Variants in SGCZ observed in about 807,000 individuals in gnomAD.
SGCZ encodes the protein sarcoglycan zeta.
A neutral mutation model predicts 41.3 loss-of-function variants in SGCZ; 40 were observed. The observed-to-expected ratio is 0.97, with a 90% confidence interval of 0.75 to 1.26. The LOEUF is 1.26. Among genes scored for constraint, SGCZ ranks in the 50% most tolerant of loss-of-function variants. The pLI, the probability that SGCZ is intolerant of heterozygous loss-of-function variation, is 0.00. For missense variants in SGCZ, 552 were observed against 369.8 expected, an observed-to-expected ratio of 1.49 and a Z score of -4.04; for synonymous variants, 206 against 137.5, an observed-to-expected ratio of 1.50 and a Z score of -3.49.
intron 1 of SGCZ, among the ~76,000 whole-genome samples, chr8:15,216,691 T>G (rs983198768): frequency 5.9e-5 from 9 of 152,144 alleles, no homozygotes; most frequent in African/African-American, 2.2e-4. Flanking sequence ...ATTCCTGGAA[T>G]GGAATCTTCT....
intron 1 of SGCZ, among the ~76,000 whole-genome samples, chr8:14,723,173 C>G (rs1303419114): frequency 1.3e-5 from 2 of 152,160 alleles, no homozygotes; most frequent in East Asian, 1.9e-4. Context: ...TGGAAAGAAA[C>G]AGGGATTTTG....
intron 1 of SGCZ, among the ~76,000 whole-genome samples, chr8:15,136,757 C>T (rs908173731): frequency 6.6e-6 from 1 of 152,174 alleles, no homozygotes; most frequent in Non-Finnish European, 1.5e-5. Context: ...CCAGGCAGAA[C>T]TGTGAGTCAA....
At chr8:14,296,787 A>G (rs1460534560) in intron 3 of SGCZ, among the ~76,000 whole-genome samples, 1 of 152,190 alleles carries the variant, frequency 6.6e-6, no homozygotes, top group Non-Finnish European at 1.5e-5. Flanking sequence ...GGGGTCAAAT[A>G]AATAAAAAAA....
chr8:14,627,010 T>C lies in SGCZ; in HGVS notation c.40-72084A>G, dbSNP rs116539006. Among the ~76,000 whole-genome samples the C allele has an allele frequency of 4.4e-3, 675 of 152,304 alleles. 5 individuals are homozygous for C. Among genetic ancestry groups the C allele is most frequent in the African/African-American group, 0.014 (564 of 41,566 alleles). Reference sequence around the variant, plus strand: ...TAAAAAAAGCACATGATAGTTGCCTTCCAAATAATAGGTCTCATTCTCTTA... The same window carrying C: ...TAAAAAAAGCACATGATAGTTGCCTCCCAAATAATAGGTCTCATTCTCTTA... On this transcript the variant is annotated intron_variant, in intron 1 of 7. Transcript: ENST00000382080.
intron 1 of SGCZ, among the ~76,000 whole-genome samples, chr8:15,029,900 C>G (rs535871185): frequency 6.6e-6 from 1 of 151,984 alleles, no homozygotes; most frequent in East Asian, 1.9e-4. Flanking sequence ...TAGTCTCTTT[C>G]AAAGCAAGCA....
chr8:15,157,756 T>C (rs1045779685), intron 1 of SGCZ, among the ~76,000 whole-genome samples: 1 of 152,184 alleles, frequency 6.6e-6, no homozygotes, highest in Non-Finnish European at 1.5e-5. Flanking sequence ...ATTGTGGACC[T>C]AGCACTTAGC....
At chr8:14,645,942 T>G (rs1241171522) in intron 1 of SGCZ, among the ~76,000 whole-genome samples, 1 of 151,920 alleles carries the variant, frequency 6.6e-6, no homozygotes, top group Non-Finnish European at 1.5e-5. Context: ...ACCTGTTCTC[T>G]TACTATGCAC....
chr8:14,294,405 G>C (rs1461221278), intron 3 of SGCZ, among the ~76,000 whole-genome samples: 1 of 151,468 alleles, frequency 6.6e-6, no homozygotes, highest in Non-Finnish European at 1.5e-5. Context: ...AAAAATCTAA[G>C]GAAAGAAAGG....
intron 5 of SGCZ, among the ~76,000 whole-genome samples, chr8:14,123,226 G>T (rs543390059): frequency 3.9e-5 from 6 of 152,152 alleles, no homozygotes; most frequent in African/African-American, 1.4e-4. Context: ...GATTCTGAAA[G>T]TTTGTTTTGA....
At chr8:14,364,003 T>C (rs2117140932) in intron 2 of SGCZ, among the ~76,000 whole-genome samples, 1 of 152,296 alleles carries the variant, frequency 6.6e-6, no homozygotes, top group East Asian at 1.9e-4. Flanking sequence ...TGCAATACTG[T>C]CAACACCCAT....
chr8:15,152,068 T>C (rs937533425), intron 1 of SGCZ, among the ~76,000 whole-genome samples: 6 of 152,238 alleles, frequency 3.9e-5, no homozygotes, highest in Non-Finnish European at 7.3e-5. Context: ...TGTTTTATTA[T>C]TACTTTAATT....
In SGCZ at chr8:14,102,485, G is replaced by C. The variant is rs1403363470; in HGVS notation, c.635C>G (p.Thr212Ser). 2.1e-6 allele frequency: 3 copies of C among 1,454,906 alleles called. No individual in the cohort carries two copies. The highest frequency in any genetic ancestry group is 4.1e-5 in the Admixed American group (2 of 49,322). 90.1% of individuals were successfully genotyped at this position (1,454,906 alleles called of 1,614,324 possible). A position where few individuals can be genotyped will look rare whatever the true frequency, so the allele number is the denominator to read the frequency against. ...PSQDLRLESP[T>S]RSLIMEAPRG... ...GGGAGCTTCCATGATCAAGGATCTG[G>C]TGGGTGATTCAAGCCTAAGGGAAAA... The change falls in exon 7 of 8, where the codon ACC becomes AGC. Residue 212 changes from threonine to serine, a missense_variant. By Grantham distance (58) the Thr-to-Ser change is moderately conservative (BLOSUM62 1). Transcript: ENST00000382080.
chr8:14,123,335 T>C (rs1420742710), intron 5 of SGCZ, among the ~76,000 whole-genome samples: 1 of 151,196 alleles, frequency 6.6e-6, no homozygotes, highest in Non-Finnish European at 1.5e-5. Flanking sequence ...AAAGAAGCCA[T>C]GCAATGAAAC....
chr8:15,200,504 G>A (rs1478705407), intron 1 of SGCZ, among the ~76,000 whole-genome samples: 4 of 152,106 alleles, frequency 2.6e-5, no homozygotes, highest in Non-Finnish European at 5.9e-5. Flanking sequence ...CCTAAAGGAG[G>A]GTAGGGGGTA....
chr8:14,391,116 A>G (rs180842319), intron 2 of SGCZ, among the ~76,000 whole-genome samples: 1 of 152,266 alleles, frequency 6.6e-6, no homozygotes, highest in East Asian at 1.9e-4. Flanking sequence ...ACCCAATTAC[A>G]TATGTCCTTA....
intron 2 of SGCZ, among the ~76,000 whole-genome samples, chr8:14,491,085 C>A (rs1801828392): frequency 6.6e-6 from 1 of 152,024 alleles, no homozygotes; most frequent in Non-Finnish European, 1.5e-5. Context: ...TTCTTTCCAG[C>A]CCAGTATTAA....
intron 1 of SGCZ, among the ~76,000 whole-genome samples, chr8:15,063,246 A>C (rs1428041964): frequency 1.3e-5 from 2 of 152,134 alleles, no homozygotes; most frequent in Non-Finnish European, 2.9e-5. Flanking sequence ...TTAACAATAA[A>C]AATTGTGATG....
rs10716801 is a variant in SGCZ at position 14,646,801 on chromosome 8, C to CT, written c.40-91876dup. Among the ~76,000 whole-genome samples, 15 of 151,614 alleles carry CT rather than the reference C, an allele frequency of 9.9e-5. 1 individual carries two copies. Among genetic ancestry groups the CT allele is most frequent in the Middle Eastern group, 6.8e-3 (2 of 292 alleles). On this transcript the variant is annotated intron_variant, in intron 1 of 7. Transcript: ENST00000382080. ...TTTGTTCATATATTCATTCAAAACA[C>CT]TTTTTTTTGGCACCAATAATACACC...
At chr8:14,558,335 G>C (rs914938465) in intron 1 of SGCZ, among the ~76,000 whole-genome samples, 39 of 152,066 alleles carry the variant, frequency 2.6e-4, no homozygotes, top group South Asian at 2.1e-4. Flanking sequence ...AGTACTTTTG[G>C]AAGCCAAGGC....
Sources: gnomAD v4.1 joint callset for allele counts (sites outside exome capture counted in the v4.1 genomes callset) on GRCh38, gnomAD v4.1.1 for gene constraint, MANE v1.5 for transcripts, NCBI Gene and HGNC (gene_info 2026-07-23, HGNC 2026-07-21) for gene names.